The following TEX14 variants were observed in gnomAD, a reference collection of about 807,000 sequenced individuals.
TEX14 encodes inactive serine/threonine-protein kinase TEX14.
Under a neutral mutation model 178.6 loss-of-function variants are expected in TEX14, and 168 were observed. The ratio of observed to expected loss-of-function variants is 0.94; its 90% CI spans 0.83 to 1.07. The LOEUF is 1.07. TEX14 is among the 50% of genes least tolerant of loss of function. The probability of loss-of-function intolerance (pLI) is 0.00; values close to 1 mark genes in which losing one functional copy is unlikely to be tolerated. For missense variants in TEX14, 1,730 were observed against 1,753.6 expected (o/e 0.99, Z 0.24); for synonymous variants, 626 against 634.1 (o/e 0.99, Z 0.19).
At chr17:58,596,345 G>A (rs1020769217) in intron 14 of TEX14, among the ~76,000 whole-genome samples, 1 of 152,086 alleles carries the variant, frequency 6.6e-6, no homozygotes, top group Non-Finnish European at 1.5e-5. Context: ...GCTGTCACAT[G>A]ATTTCAGCTC....
intron 2 of TEX14, among the ~76,000 whole-genome samples, chr17:58,635,946 T>A (rs921639979): frequency 6.6e-6 from 1 of 152,156 alleles, no homozygotes; most frequent in Non-Finnish European, 1.5e-5. Flanking sequence ...GGTTTCACCA[T>A]GTTGCCCAGG....
chr17:58,603,632 A>T (rs1441242625), intron 11 of TEX14, among the ~76,000 whole-genome samples: 2 of 149,754 alleles, frequency 1.3e-5, no homozygotes, highest in African/African-American at 2.5e-5. Context: ...AGGTGGGCGG[A>T]TCACGAGGTC....
rs2044548217 is a variant in TEX14 at position 58,572,180 on chromosome 17, T to C, written c.3512-54A>G. 8.2e-6 allele frequency: 11 copies of C among 1,336,630 alleles called. No homozygotes were observed. The South Asian group carries it at 1.2e-4, about 15-fold the overall frequency. 82.8% of individuals were successfully genotyped at this position (1,336,630 alleles called of 1,614,324 possible). A position where few individuals can be genotyped will look rare whatever the true frequency, so the allele number is the denominator to read the frequency against. The stretch of plus-strand genomic sequence containing the variant: ...CTGAATCCTTTATATTATTTCTCCT[T>C]TTTTCCTTTTTCCCTTTGTTTTTGT... On this transcript the variant is annotated intron_variant, in intron 23 of 31. Transcript: ENST00000349033.
intron 1 of TEX14, among the ~76,000 whole-genome samples, chr17:58,662,507 G>A (rs1047567250): frequency 2.7e-5 from 4 of 150,816 alleles, no homozygotes; most frequent in Non-Finnish European, 4.4e-5. Context: ...CCCCAAATAA[G>A]TTGAGATGGA....
At chr17:58,587,853 A>ACCCCCCCCCCCC in intron 16 of TEX14, 43 bp downstream of exon 16, 1 of 603,446 alleles carries the variant, frequency 1.7e-6, no homozygotes, top group Non-Finnish European at 2.9e-6. Flanking sequence ...ACCCACCCCC[A>ACCCCCCCCCCCC]CCCCCGCTCC....
intron 3 of TEX14, among the ~76,000 whole-genome samples, chr17:58,624,229 C>T (rs1014440716): frequency 1.2e-4 from 19 of 152,008 alleles, no homozygotes; most frequent in African/African-American, 4.3e-4. Context: ...GGAGGCAGAG[C>T]TTGCAGTGAG....
chr17:58,603,887 CTGTG>C (rs71143257), intron 11 of TEX14, among the ~76,000 whole-genome samples: 6,200 of 105,040 alleles, frequency 0.059, 206 homozygotes, highest in African/African-American at 0.07. Context: ...TGTGATTTTA[CTGTG>C]TGTGTGTGTG....
intron 1 of TEX14, chr17:58,679,805 A>G (rs895663555): frequency 3.3e-5 from 5 of 152,192 alleles, no homozygotes; most frequent in Non-Finnish European, 7.3e-5. Flanking sequence ...GATATTTTCC[A>G]AACTACAATA....
intron 5 of TEX14, among the ~76,000 whole-genome samples, chr17:58,619,143 A>G (rs2045940444): frequency 6.6e-6 from 1 of 152,204 alleles, no homozygotes. Context: ...GGGGGTTACC[A>G]GTGACGAGGC....
chr17:58,675,025 A>AACCT (rs1192463412), intron 1 of TEX14, among the ~76,000 whole-genome samples: 1 of 151,812 alleles, frequency 6.6e-6, no homozygotes, highest in Non-Finnish European at 1.5e-5. Context: ...ACATGCCTAT[A>AACCT]ACCCCAGCTT....
rs2044366155 is a variant in TEX14, at chr17:58,564,941, G to C, written c.3992C>G (p.Thr1331Ser). 1 of 1,606,984 alleles carries C rather than the reference G, an allele frequency of 6.2e-7. No homozygotes were observed. Among genetic ancestry groups the C allele is most frequent in the Admixed American group, 1.7e-5 (1 of 58,908 alleles). ...NDQRHLEEQE[T>S]DSKKEDSSML... ...ACTACTATCTTCTTTTTTACTGTCAGTTTCTTGTTCTTCTAAGTGCCTTTG... is the reference window on the plus strand; with the variant it reads ...ACTACTATCTTCTTTTTTACTGTCACTTTCTTGTTCTTCTAAGTGCCTTTG... The change falls in exon 28 of 32, where the codon ACT (threonine) becomes AGT (serine). Residue 1331 changes from threonine (T) to serine (S), a missense_variant. Coordinates refer to ENST00000349033, the MANE Select transcript of TEX14 (RefSeq NM_031272.5).
intron 30 of TEX14, among the ~76,000 whole-genome samples, chr17:58,558,538 T>C (rs2044201276): frequency 6.6e-6 from 1 of 152,042 alleles, no homozygotes; most frequent in Non-Finnish European, 1.5e-5. Context: ...GGAGATGCAG[T>C]CCACTAGGGT....
intron 15 of TEX14, among the ~76,000 whole-genome samples, chr17:58,590,348 A>G (rs572701131): frequency 1.6e-4 from 24 of 151,750 alleles, no homozygotes; most frequent in African/African-American, 5.3e-4. Context: ...CTTAAAAAGG[A>G]GGGGAAAAGA....
At chr17:58,655,714 C>A (rs2046943361) in intron 1 of TEX14, among the ~76,000 whole-genome samples, 1 of 152,156 alleles carries the variant, frequency 6.6e-6, no homozygotes, top group Non-Finnish European at 1.5e-5. Flanking sequence ...ATGTCAGAAC[C>A]CTGACATTTC....
At position 58,605,145 on chromosome 17, in the gene TEX14, C is replaced by G. The variant is rs2045576484; in HGVS notation, c.1185-16G>C. The G allele has an allele frequency of 6.2e-7, 1 of 1,612,476 alleles. No individual in the cohort carries two copies. The highest frequency in any genetic ancestry group is 1.7e-5 in the Admixed American group (1 of 59,738). ...TCTGTCCTCGCTACGGAAGGAAACTCACAAGTCAGCGCTCATGCCTTAAAG... is the reference window on the plus strand; with the variant it reads ...TCTGTCCTCGCTACGGAAGGAAACTGACAAGTCAGCGCTCATGCCTTAAAG... On this transcript the variant is annotated splice_polypyrimidine_tract_variant and intron_variant, in intron 10 of 31. Transcript: ENST00000349033.
At chr17:58,679,348 GTAGT>G (rs1299318199) in intron 1 of TEX14, among the ~76,000 whole-genome samples, 4 of 152,140 alleles carry the variant, frequency 2.6e-5, no homozygotes, top group Non-Finnish European at 5.9e-5. Context: ...GCAAATCACT[GTAGT>G]ACTCAATGAC....
chr17:58,572,064 TA>T lies in TEX14; in HGVS notation c.3573del (p.Lys1192ArgfsTer22). 1 of 1,614,182 alleles carries T rather than the reference TA, an allele frequency of 6.2e-7. No homozygotes were observed. On this transcript the variant is annotated frameshift_variant, in exon 24 of 32. Coordinates refer to ENST00000349033, the MANE Select transcript of TEX14 (RefSeq NM_031272.5). LOFTEE classifies it high-confidence loss of function. ...KDCLESITFQ[V>X]KTEFASCWNS... ...TTCCAGCAAGAGGCAAACTCTGTCT[TA>T]ACCTGAAATGTGATACTTTCAAGGC...
chr17:58,667,670 A>C (rs1166466295), intron 1 of TEX14, among the ~76,000 whole-genome samples: 1 of 152,148 alleles, frequency 6.6e-6, no homozygotes, highest in Non-Finnish European at 1.5e-5. Context: ...GAATCACTTG[A>C]GGTCAGGAGT....
In TEX14 at chr17:58,573,717, C is replaced by G. The variant is rs1057219700; in HGVS notation, c.3384-409G>C. On this transcript the variant is annotated intron_variant, in intron 22 of 31. Coordinates refer to ENST00000349033, the MANE Select transcript of TEX14 (RefSeq NM_031272.5). ...TATTTTTAGTAGAGATGGGATTTTACCATGTTGGCCAGGCTGGTCACGAAC... is the reference window on the plus strand; with the variant it reads ...TATTTTTAGTAGAGATGGGATTTTAGCATGTTGGCCAGGCTGGTCACGAAC... 5.3e-5 allele frequency among the ~76,000 whole-genome samples: 8 copies of G among 152,216 alleles called. 1 individual carries two copies. Among genetic ancestry groups the G allele is most frequent in the Admixed American group, 2.0e-4 (3 of 15,274 alleles).
Sources: allele counts gnomAD v4.1 joint callset (sites outside exome capture counted in the v4.1 genomes callset), GRCh38; gene constraint gnomAD v4.1.1; transcripts MANE v1.5; gene names NCBI Gene and HGNC (gene_info 2026-07-23, HGNC 2026-07-21).